The following ANKS1B variants were observed in gnomAD, a reference collection of about 807,000 sequenced individuals.
ANKS1B encodes the protein ankyrin repeat and sterile alpha motif domain containing 1B, also known as ankyrin repeat and sterile alpha motif domain-containing protein 1B.
ANKS1B carries 36 observed loss-of-function variants against 148.3 expected under a neutral mutation model. The ratio of observed to expected loss-of-function variants is 0.24; its 90% confidence interval spans 0.19 to 0.32. ANKS1B has a LOEUF of 0.32. Ranked by LOEUF, ANKS1B falls within the 10% of genes least tolerant of loss-of-function variation. The pLI is 1.00. For missense variants in ANKS1B, 1,157 were observed against 1,542.6 expected, an observed-to-expected ratio of 0.75 and a Z score of 4.19; for synonymous variants, 542 against 560.8, an observed-to-expected ratio of 0.97 and a Z score of 0.47.
intron 8 of ANKS1B, among the ~76,000 whole-genome samples, chr12:99,753,272 T>C (rs530240411): frequency 1.3e-5 from 2 of 152,178 alleles, no homozygotes; most frequent in East Asian, 1.9e-4. Flanking sequence ...ACAGCAAAGA[T>C]GAGAGAATGA....
intron 9 of ANKS1B, among the ~76,000 whole-genome samples, chr12:99,642,306 T>C (rs1294075603): frequency 6.6e-6 from 1 of 152,212 alleles, no homozygotes; most frequent in East Asian, 1.9e-4. Context: ...ATATTCTCCT[T>C]GAGTGCATCT....
At chr12:99,777,295 A>G (rs2063748306) in intron 6 of ANKS1B, among the ~76,000 whole-genome samples, 1 of 152,240 alleles carries the variant, frequency 6.6e-6, no homozygotes, top group Non-Finnish European at 1.5e-5. Context: ...AATGCAAAGA[A>G]CAGAGATGAC....
At chr12:98,788,470 G>A (rs1221603778) in intron 22 of ANKS1B, among the ~76,000 whole-genome samples, 1 of 152,122 alleles carries the variant, frequency 6.6e-6, no homozygotes, top group African/African-American at 2.4e-5. Flanking sequence ...CATTAATGAG[G>A]CTAAATGACC....
At chr12:99,773,144 T>G in intron 7 of ANKS1B, 56 bp from the exon 8 acceptor site, 1 of 1,459,872 alleles carries the variant, frequency 6.8e-7, no homozygotes, top group Non-Finnish European at 9.3e-7. Flanking sequence ...AAACTTAATG[T>G]TAAGCAATAA....
intron 12 of ANKS1B, among the ~76,000 whole-genome samples, chr12:99,364,279 TTGTTTATTGTACA>T (rs2092650379): frequency 1.3e-5 from 1 of 77,706 alleles, no homozygotes; most frequent in Non-Finnish European, 2.4e-5. Context: ...ATATATATAT[TTGTTTATTGTACA>T]TGTTTATTGT....
intron 9 of ANKS1B, among the ~76,000 whole-genome samples, chr12:99,573,215 T>C (rs1738347478): frequency 6.6e-6 from 1 of 152,122 alleles, no homozygotes; most frequent in Non-Finnish European, 1.5e-5. Flanking sequence ...TTCCTTAATT[T>C]ATTGATGCAG....
intron 1 of ANKS1B, among the ~76,000 whole-genome samples, chr12:99,924,120 C>A (rs1194773282): frequency 6.6e-6 from 1 of 152,098 alleles, no homozygotes; most frequent in Non-Finnish European, 1.5e-5. Context: ...TAGTACCTAA[C>A]ACAAGCAGGT....
intron 8 of ANKS1B, among the ~76,000 whole-genome samples, chr12:99,668,114 TAA>T (rs1345978597): frequency 1.3e-5 from 2 of 152,190 alleles, no homozygotes; most frequent in Non-Finnish European, 2.9e-5. Context: ...CACCTCTATG[TAA>T]AGTTTCCTTG....
chr12:99,884,651 T>C (rs1187110875), intron 1 of ANKS1B, among the ~76,000 whole-genome samples: 1 of 152,156 alleles, frequency 6.6e-6, no homozygotes, highest in Non-Finnish European at 1.5e-5. Context: ...TAAAACACTA[T>C]ATACCATATA....
At chr12:99,439,712 C>A (rs948830865) in intron 11 of ANKS1B, among the ~76,000 whole-genome samples, 1 of 151,644 alleles carries the variant, frequency 6.6e-6, no homozygotes, top group African/African-American at 2.4e-5. Flanking sequence ...TAAAATGGAA[C>A]AACTTTTTTG....
intron 12 of ANKS1B, among the ~76,000 whole-genome samples, chr12:99,313,035 T>C (rs894353276): frequency 6.6e-6 from 1 of 151,582 alleles, no homozygotes; most frequent in Admixed American, 6.6e-5. Context: ...ACTAGACTAA[T>C]AAGGAAGAAA....
At chr12:98,782,729 T>C (rs2098749697) in intron 22 of ANKS1B, among the ~76,000 whole-genome samples, 1 of 152,250 alleles carries the variant, frequency 6.6e-6, no homozygotes, top group Non-Finnish European at 1.5e-5. Flanking sequence ...AGTATTGTTA[T>C]TTAATATCTG....
At chr12:99,240,310 CAAAG>C (rs1288974148) in intron 14 of ANKS1B, among the ~76,000 whole-genome samples, 2 of 152,156 alleles carry the variant, frequency 1.3e-5, no homozygotes, top group Non-Finnish European at 2.9e-5. Flanking sequence ...TCAAAAGAGA[CAAAG>C]AAGGCCACTA....
intron 1 of ANKS1B, among the ~76,000 whole-genome samples, chr12:99,956,862 G>C (rs1176969291): frequency 6.6e-6 from 1 of 152,174 alleles, no homozygotes; most frequent in East Asian, 1.9e-4. Context: ...TGACATAGCA[G>C]AAAGCATCCA....
intron 6 of ANKS1B, among the ~76,000 whole-genome samples, chr12:99,776,835 C>A (rs949569368): frequency 3.3e-5 from 5 of 152,084 alleles, no homozygotes; most frequent in African/African-American, 1.2e-4. Flanking sequence ...TATGTGCCAC[C>A]ACACCCGGCT....
At chr12:99,068,521 A>G (rs1353731820) in intron 16 of ANKS1B, among the ~76,000 whole-genome samples, 1 of 152,220 alleles carries the variant, frequency 6.6e-6, no homozygotes, top group Non-Finnish European at 1.5e-5. Context: ...ATGACTGTAT[A>G]CAAAGATAAG....
At chr12:99,007,497 T>C (rs2099936810) in intron 17 of ANKS1B, among the ~76,000 whole-genome samples, 2 of 152,180 alleles carry the variant, frequency 1.3e-5, no homozygotes, top group African/African-American at 4.8e-5. Flanking sequence ...AACTCTGCTA[T>C]GTCGAATCTC....
At chr12:99,916,429 G>A (rs1056058085) in intron 1 of ANKS1B, among the ~76,000 whole-genome samples, 2 of 152,172 alleles carry the variant, frequency 1.3e-5, no homozygotes, top group African/African-American at 4.8e-5. Flanking sequence ...GATAATAAAT[G>A]GAGCCCTGAC....
intron 9 of ANKS1B, among the ~76,000 whole-genome samples, chr12:99,526,492 G>A (rs923313034): frequency 6.6e-6 from 1 of 152,152 alleles, no homozygotes; most frequent in African/African-American, 2.4e-5. Flanking sequence ...TAAAATGGGA[G>A]TGTGGGTGGA....
Sources: allele counts gnomAD v4.1 joint callset (sites outside exome capture counted in the v4.1 genomes callset), GRCh38; gene constraint gnomAD v4.1.1; transcripts MANE v1.5; gene names NCBI Gene and HGNC (gene_info 2026-07-23, HGNC 2026-07-21).